METRNL: variants seen among roughly 807,000 people sequenced by gnomAD.
The protein encoded by METRNL is meteorin like, glial cell differentiation regulator.
Under a neutral mutation model 17.4 loss-of-function variants are expected in METRNL, and 9 were observed. That is an observed-to-expected ratio of 0.52 (90% CI 0.31 to 0.90). The LOEUF is 0.90. Ranked by LOEUF, METRNL falls within the 40% of genes least tolerant of loss-of-function variation. The probability of loss-of-function intolerance (pLI) is 0.05; values close to 1 mark genes in which losing one functional copy is unlikely to be tolerated. For synonymous variants in METRNL, 215 were observed against 199.3 expected (o/e 1.08, Z -0.66); for missense variants, 408 against 430.7 (o/e 0.95, Z 0.47).
intron 1 of METRNL, chr17:83,082,117 G>A (rs918930447): frequency 1.0e-6 from 1 of 985,418 alleles, no homozygotes; most frequent in Middle Eastern, 5.2e-4. Flanking sequence ...GGGGAGGCGG[G>A]ACCAGCGCCC....
intron 1 of METRNL, among the ~76,000 whole-genome samples, chr17:83,080,776 C>A (rs1412155668): frequency 6.6e-6 from 1 of 150,544 alleles, no homozygotes; most frequent in Admixed American, 6.6e-5. Flanking sequence ...TTCGCAGATG[C>A]GCGGGGACCC....
chr17:83,091,044 AGGAGGCCCCCGTGGT>A (rs1434276340), intron 2 of METRNL, among the ~76,000 whole-genome samples: 1 of 152,170 alleles, frequency 6.6e-6, no homozygotes, highest in Non-Finnish European at 1.5e-5. Flanking sequence ...CTTGGGGGTC[AGGAGGCCCCCGTGGT>A]GGGGGCTGCA....
intron 3 of METRNL, 78 bp downstream of exon 3, chr17:83,093,304 C>A: frequency 1.6e-6 from 2 of 1,218,952 alleles, no homozygotes; most frequent in Non-Finnish European, 1.2e-6. Flanking sequence ...CCAGGAGTCC[C>A]TCTTCAGGGC....
At chr17:83,092,699 C>T (rs1042907513) in intron 2 of METRNL, among the ~76,000 whole-genome samples, 2 of 152,008 alleles carry the variant, frequency 1.3e-5, no homozygotes, top group African/African-American at 4.8e-5. Flanking sequence ...GGGGGTGACT[C>T]TTGTCTGGTG....
At chr17:83,080,816 G>GCCGGGCTGGC (rs1388696793) in intron 1 of METRNL, among the ~76,000 whole-genome samples, 3 of 150,450 alleles carry the variant, frequency 2.0e-5, no homozygotes, top group Non-Finnish European at 4.4e-5. Flanking sequence ...GAGAGCCGTG[G>GCCGGGCTGGC]CCGGGCTGGC....
Position 83,094,515 on chromosome 17 carries a change from G to C in METRNL, c.876G>C (p.Gln292His). ...GTGCCCCACGCTTCAAGGACTTCCAGAGGATGTACAGGGATGCCCAGGAGA... is the reference window on the plus strand; with the variant it reads ...GTGCCCCACGCTTCAAGGACTTCCACAGGATGTACAGGGATGCCCAGGAGA... The part of the protein sequence containing the change: ...LGCAPRFKDF[Q>H]RMYRDAQERG... The change falls in exon 4 of 4, where the codon CAG becomes CAC. Residue 292 changes from glutamine (Q) to histidine (H), a missense_variant. Physicochemically the swap from Gln to His is conservative, Grantham distance 24. Coordinates refer to ENST00000320095, the MANE Select transcript of METRNL (RefSeq NM_001004431.3). 6.4e-7 allele frequency: 1 copy of C among 1,554,062 alleles called. No individual in the cohort carries two copies. Among genetic ancestry groups the C allele is most frequent in the Non-Finnish European group, 8.8e-7 (1 of 1,142,798 alleles).
At position 83,094,492 on chromosome 17, in the gene METRNL, G is replaced by A. The variant is rs928401871; in HGVS notation, c.853G>A (p.Ala285Thr). Residue 285 changes from alanine (A) to threonine (T), a missense_variant, in exon 4 of 4, where the codon GCC (alanine) becomes ACC (threonine). By Grantham distance (58) the Ala-to-Thr change is moderately conservative (BLOSUM62 0). Transcript: ENST00000320095. ...CTTCGGGGAGGCGCGGCTCGGCTGT[G>A]CCCCACGCTTCAAGGACTTCCAGAG... ...MHFGEARLGCAPRFKDFQRMY... is the reference protein window; with the variant it reads ...MHFGEARLGCTPRFKDFQRMY... 6.4e-7 allele frequency: 1 copy of A among 1,572,480 alleles called. No individual in the cohort carries two copies. Among genetic ancestry groups the A allele is most frequent in the East Asian group, 2.3e-5 (1 of 43,874 alleles).
At chr17:83,082,173 C>A in intron 1 of METRNL, 1 of 985,468 alleles carries the variant, frequency 1.0e-6, no homozygotes, top group Non-Finnish European at 1.2e-6. Context: ...TGAACTTTCC[C>A]ACTTGCTGTC....
In METRNL at chr17:83,094,750, C is replaced by G. The variant is rs1228654515; in HGVS notation, c.*175C>G. 2.3e-6 allele frequency: 1 copy of G among 428,618 alleles called. No homozygotes were observed. The highest frequency in any genetic ancestry group is 3.5e-5 in the East Asian group (1 of 28,170). The allele number at this position is 428,618 out of a possible 1,614,324, so 26.6% of individuals were successfully genotyped here. Reference sequence around the variant, plus strand: ...TCGCCACACTCAACCCCATGAGCTTCCAGCCAAGGATGCCCTGGCCGATTG... The same window carrying G: ...TCGCCACACTCAACCCCATGAGCTTGCAGCCAAGGATGCCCTGGCCGATTG... On this transcript the variant is annotated 3_prime_UTR_variant, in exon 4 of 4. Coordinates refer to ENST00000320095, the MANE Select transcript of METRNL (RefSeq NM_001004431.3).
At chr17:83,089,192 G>A (rs1057454731) in intron 2 of METRNL, among the ~76,000 whole-genome samples, 1 of 152,038 alleles carries the variant, frequency 6.6e-6, no homozygotes, top group Non-Finnish European at 1.5e-5. Flanking sequence ...CTCAGCCTTG[G>A]GTCCTCGAGC....
At position 83,094,511 on chromosome 17, in the gene METRNL, TC is replaced by T. The variant is rs2038179717; in HGVS notation, c.874del (p.Gln292ArgfsTer12). The T allele has an allele frequency of 1.9e-6, 3 of 1,555,548 alleles. No individual in the cohort carries two copies. Among genetic ancestry groups the T allele is most frequent in the South Asian group, 1.2e-5 (1 of 83,316 alleles). On this transcript the variant is annotated frameshift_variant, in exon 4 of 4. Transcript: ENST00000320095. LOFTEE classifies it high-confidence loss of function. ...RLGCAPRFKD[F>X]QRMYRDAQER... ...GGCTGTGCCCCACGCTTCAAGGACT[TC>T]CAGAGGATGTACAGGGATGCCCAGG... is the stretch of plus-strand genomic sequence containing the variant.
At chr17:83,081,210 G>T (rs1262248571) in intron 1 of METRNL, among the ~76,000 whole-genome samples, 1 of 151,868 alleles carries the variant, frequency 6.6e-6, no homozygotes, top group South Asian at 2.1e-4. Context: ...GAACGCCGGC[G>T]CCGGGAGCCT....
At chr17:83,091,269 G>A (rs1379401625) in intron 2 of METRNL, among the ~76,000 whole-genome samples, 1 of 151,644 alleles carries the variant, frequency 6.6e-6, no homozygotes, top group Non-Finnish European at 1.5e-5. Context: ...AGGCTGTGCA[G>A]TTTCTTTTTC....
chr17:83,085,142 A>T lies in METRNL; in HGVS notation c.375A>T (p.Gly125=), dbSNP rs1165701521. The change falls in exon 2 of 4, where the codon GGA becomes GGT. Residue 125 remains glycine (G), a synonymous_variant. Transcript: ENST00000320095. ...SGANIYLEKT[G]ELRLLVPDGD... ...CCAATATTTATTTGGAAAAAACTGG[A>T]GAACTGAGACTGCTGGTACCAGACG... The T allele has an allele frequency of 6.2e-7, 1 of 1,613,476 alleles. No homozygotes were observed. Among genetic ancestry groups the T allele is most frequent in the Non-Finnish European group, 8.5e-7 (1 of 1,179,916 alleles).
At position 83,094,251 on chromosome 17, in the gene METRNL, C is replaced by T. The variant is rs1568340932; in HGVS notation, c.617-5C>T. ...CTCCCTGTCCCCATCTCCTTCCCCG[C>T]ACAGCCGTTCGAGGCTCCATCCAGC... On this transcript the variant is annotated splice_region_variant and splice_polypyrimidine_tract_variant and intron_variant, in intron 3 of 3. Coordinates refer to ENST00000320095, the MANE Select transcript of METRNL (RefSeq NM_001004431.3). The T allele has an allele frequency of 4.5e-6, 7 of 1,558,908 alleles. No individual in the cohort carries two copies. Among genetic ancestry groups the T allele is most frequent in the Non-Finnish European group, 6.1e-6 (7 of 1,144,308 alleles).
Position 83,092,254 on chromosome 17 carries a change from T to C in METRNL, c.557-913T>C, listed in dbSNP as rs550463520. ...AAGGGGCCGGGCCGATGGCCCTGAC[T>C]GGAACTCACTGCCCTGCTGGGTGAG... On this transcript the variant is annotated intron_variant, in intron 2 of 3. Transcript: ENST00000320095. The C allele has an allele frequency of 4.6e-5, 7 of 152,386 alleles. No homozygotes were observed. The East Asian group carries it at 1.4e-3, about 29-fold the overall frequency. 9.4% of individuals were successfully genotyped at this position (152,386 alleles called of 1,614,324 possible).
intron 2 of METRNL, among the ~76,000 whole-genome samples, chr17:83,087,483 T>A (rs2038065217): frequency 6.6e-6 from 1 of 152,064 alleles, no homozygotes; most frequent in Non-Finnish European, 1.5e-5. Context: ...GCCTCTCCTA[T>A]CCTGATGGGG....
At chr17:83,094,084 G>A (rs1354831912) in intron 3 of METRNL, among the ~76,000 whole-genome samples, 172 bp from the exon 4 acceptor site, 1 of 152,258 alleles carries the variant, frequency 6.6e-6, no homozygotes, top group Non-Finnish European at 1.5e-5. Context: ...CCCCTTGGCA[G>A]CTTTCTGCTG....
chr17:83,079,828 G>A lies in METRNL; in HGVS notation c.13G>A (p.Ala5Thr), dbSNP rs2037960192. Reference sequence around the variant, plus strand: ...CCGGCGCCAGAGCATGCGGGGCGCGGCGCGGGCGGCCTGGGGGCGCGCGGG... The same window carrying A: ...CCGGCGCCAGAGCATGCGGGGCGCGACGCGGGCGGCCTGGGGGCGCGCGGG... MRGA[A>T]RAAWGRAGQP... The change falls in exon 1 of 4, where the codon GCG becomes ACG. Residue 5 changes from alanine (A) to threonine (T), a missense_variant. Transcript: ENST00000320095. The A allele has an allele frequency of 9.2e-6, 9 of 976,746 alleles. No individual in the cohort carries two copies. Among genetic ancestry groups the A allele is most frequent in the African/African-American group, 1.8e-5 (1 of 56,406 alleles). 60.5% of individuals were successfully genotyped at this position (976,746 alleles called of 1,614,324 possible). A position where few individuals can be genotyped will look rare whatever the true frequency, so the allele number is the denominator to read the frequency against.
Sources: gnomAD v4.1 joint callset for allele counts (sites outside exome capture counted in the v4.1 genomes callset) on GRCh38, gnomAD v4.1.1 for gene constraint, MANE v1.5 for transcripts, NCBI Gene and HGNC (gene_info 2026-07-23, HGNC 2026-07-21) for gene names.